TTC13: variants seen among roughly 807,000 people sequenced by gnomAD.
TTC13 encodes tetratricopeptide repeat domain 13.
Under a neutral mutation model 120.0 loss-of-function variants are expected in TTC13, and 62 were observed. The ratio of observed to expected loss-of-function variants is 0.52; its 90% CI spans 0.42 to 0.64. The LOEUF is 0.64. TTC13 is among the 30% of genes least tolerant of loss of function. The pLI, the probability that TTC13 is intolerant of heterozygous loss-of-function variation, is 0.00. For synonymous variants in TTC13, 384 were observed against 393.5 expected, an observed-to-expected ratio of 0.98 and a Z score of 0.28; for missense variants, 824 against 1,050.2, an observed-to-expected ratio of 0.78 and a Z score of 2.98.
chr1:230,926,592 C>T (rs1281234986), intron 12 of TTC13, among the ~76,000 whole-genome samples: 1 of 152,066 alleles, frequency 6.6e-6, no homozygotes, highest in East Asian at 1.9e-4. Flanking sequence ...ATCCAAGTTC[C>T]CAGATACCAA....
At chr1:230,963,228 C>T (rs781622810) in intron 1 of TTC13, among the ~76,000 whole-genome samples, 51 of 152,238 alleles carry the variant, frequency 3.4e-4, no homozygotes, top group Non-Finnish European at 5.7e-4. Context: ...TAAATTCTCA[C>T]GTGTTGTATA....
chr1:230,910,106 C>A (rs1013623035), intron 20 of TTC13, among the ~76,000 whole-genome samples: 2 of 152,156 alleles, frequency 1.3e-5, no homozygotes, highest in African/African-American at 2.4e-5. Context: ...AAGGATGGCA[C>A]GAGCACCTGA....
At chr1:230,921,927 G>A (rs780181808) in intron 15 of TTC13, among the ~76,000 whole-genome samples, 2 of 152,052 alleles carry the variant, frequency 1.3e-5, no homozygotes, top group Non-Finnish European at 2.9e-5. Context: ...CTACCCACTC[G>A]GAATACTCTT....
chr1:230,935,410 A>G (rs1287594426), intron 8 of TTC13, among the ~76,000 whole-genome samples: 1 of 152,214 alleles, frequency 6.6e-6, no homozygotes, highest in Non-Finnish European at 1.5e-5. Flanking sequence ...AGAAATCACT[A>G]ACTGAGCCTG....
At chr1:230,946,685 G>C (rs1234370975) in intron 4 of TTC13, among the ~76,000 whole-genome samples, 3 of 152,166 alleles carry the variant, frequency 2.0e-5, no homozygotes, top group Non-Finnish European at 4.4e-5. Flanking sequence ...TAAGAGACTA[G>C]AGCTAAGCAC....
intron 22 of TTC13, among the ~76,000 whole-genome samples, chr1:230,907,524 T>G (rs1671047035): frequency 6.6e-6 from 1 of 152,200 alleles, no homozygotes; most frequent in African/African-American, 2.4e-5. Context: ...GTCAAAAGAT[T>G]CACACTGTAC....
At chr1:230,956,556 A>G in intron 3 of TTC13, 1 of 400,246 alleles carries the variant, frequency 2.5e-6, no homozygotes, top group Non-Finnish European at 4.8e-6. Context: ...ATAATCAGTA[A>G]ATATCTGTTG....
At chr1:230,946,613 T>C (rs1272408310) in intron 4 of TTC13, among the ~76,000 whole-genome samples, 1 of 152,178 alleles carries the variant, frequency 6.6e-6, no homozygotes, top group Non-Finnish European at 1.5e-5. Context: ...TAGCTTCTCT[T>C]AGAACATCAA....
Position 230,931,437 on chromosome 1 carries a change from G to A in TTC13, c.1161C>T (p.Cys387=). 1.2e-6 allele frequency: 2 copies of A among 1,614,126 alleles called. No individual in the cohort carries two copies. The highest frequency in any genetic ancestry group is 1.1e-5 in the South Asian group (1 of 91,076). ...CLQLEPYNEV[C]QYMKGLSHVA... ...CATGGCTGAGCCCTTTCATATACTG[G>A]CACACTTCATTATATGGCTCTAGCT... The change falls in exon 11 of 23, where the codon TGC becomes TGT. Residue 387 remains cysteine, a synonymous_variant. Coordinates refer to ENST00000366661, the MANE Select transcript of TTC13 (RefSeq NM_024525.5).
At position 230,923,942 on chromosome 1, in the gene TTC13, C is replaced by CA; in HGVS notation, c.1722-10dup. 1 of 1,606,644 alleles carries CA rather than the reference C, an allele frequency of 6.2e-7. No homozygotes were observed. On this transcript the variant is annotated splice_polypyrimidine_tract_variant and intron_variant, in intron 14 of 22. Transcript: ENST00000366661. ...GGTCTGGGTCAGCAATCCTATAAAA[C>CA]AGAGACCTTTATAAAACCAGAAGTG...
intron 19 of TTC13, 109 bp from the exon 20 acceptor site, chr1:230,911,658 C>G (rs984305557): frequency 2.3e-5 from 14 of 600,416 alleles, no homozygotes; most frequent in Non-Finnish European, 3.5e-5. Flanking sequence ...GGATTGTTTT[C>G]TTCCTCCCCC....
At chr1:230,960,434 T>C (rs999725831) in intron 2 of TTC13, among the ~76,000 whole-genome samples, 3 of 152,236 alleles carry the variant, frequency 2.0e-5, no homozygotes, top group African/African-American at 7.2e-5. Flanking sequence ...CTTCTGATTT[T>C]GGGCAAGTCT....
At chr1:230,969,696 C>T (rs983599838) in intron 1 of TTC13, among the ~76,000 whole-genome samples, 1 of 152,196 alleles carries the variant, frequency 6.6e-6, no homozygotes, top group Non-Finnish European at 1.5e-5. Context: ...TTAGATGCTT[C>T]CCTGACTGTT....
intron 15 of TTC13, 112 bp from the exon 16 acceptor site, chr1:230,921,616 G>GAA: frequency 1.7e-6 from 1 of 598,414 alleles, no homozygotes; most frequent in South Asian, 2.4e-5. Context: ...GAATAATGTA[G>GAA]AAAAAAAAAG....
intron 8 of TTC13, among the ~76,000 whole-genome samples, chr1:230,938,997 C>T (rs1392961396): frequency 6.6e-6 from 1 of 152,154 alleles, no homozygotes; most frequent in East Asian, 1.9e-4. Context: ...CTTCTCCCAC[C>T]TCCACCCCCT....
In TTC13 at chr1:230,939,404, A is replaced by G; in HGVS notation, c.882T>C (p.Phe294=). Residue 294 remains phenylalanine, a synonymous_variant, in exon 8 of 23, where the codon TTT becomes TTC. Coordinates refer to ENST00000366661, the MANE Select transcript of TTC13 (RefSeq NM_024525.5). ...IAMLYKGLTF[F]HRGLLKEAIE... ...CTTTCACCTTCAGAAGTCCTCTGTG[A>G]AAGAAAGTTAAACCTTTGTATAGCA... The G allele has an allele frequency of 6.2e-7, 1 of 1,610,540 alleles. No homozygotes were observed. Among genetic ancestry groups the G allele is most frequent in the Non-Finnish European group, 8.5e-7 (1 of 1,177,330 alleles).
intron 17 of TTC13, among the ~76,000 whole-genome samples, chr1:230,919,262 C>CA (rs928916505): frequency 1.0e-3 from 141 of 134,820 alleles, no homozygotes; most frequent in East Asian, 8.7e-3. Flanking sequence ...GACCCTGTCT[C>CA]AAAAAAAAAA....
intron 4 of TTC13, among the ~76,000 whole-genome samples, chr1:230,947,421 G>C (rs1180023833): frequency 6.6e-6 from 1 of 152,168 alleles, no homozygotes; most frequent in East Asian, 1.9e-4. Flanking sequence ...TGGCCAGGCT[G>C]GGGTGGGAGG....
intron 6 of TTC13, among the ~76,000 whole-genome samples, chr1:230,943,145 C>T (rs1674664465): frequency 6.6e-6 from 1 of 152,032 alleles, no homozygotes. Flanking sequence ...GTCACATATA[C>T]AGTAAATATT....
Sources: allele counts gnomAD v4.1 joint callset (sites outside exome capture counted in the v4.1 genomes callset), GRCh38; gene constraint gnomAD v4.1.1; transcripts MANE v1.5; gene names NCBI Gene and HGNC (gene_info 2026-07-23, HGNC 2026-07-21).